TMEM132C: variants seen among roughly 807,000 people sequenced by gnomAD.
The protein encoded by TMEM132C is protein phosphatase 1, regulatory subunit 152.
Under a neutral mutation model 61.4 loss-of-function variants are expected in TMEM132C, and 29 were observed. That is an observed-to-expected ratio of 0.47 (90% confidence interval 0.35 to 0.64). TMEM132C has a LOEUF of 0.64. Ranked by LOEUF, TMEM132C falls within the 30% of genes least tolerant of loss-of-function variation. The pLI is 0.00. For missense variants in TMEM132C, 1,408 were observed against 1,476.9 expected (o/e 0.95, Z 0.76); for synonymous variants, 656 against 633.1 (o/e 1.04, Z -0.54).
Position 128,706,495 on chromosome 12 carries a change from G to A in TMEM132C, c.*200G>A, listed in dbSNP as rs1031319592. 1.8e-5 allele frequency: 12 copies of A among 666,966 alleles called. No homozygotes were observed. The East Asian group carries it at 3.5e-4, about 20-fold the overall frequency. The allele number at this position is 666,966 out of a possible 1,614,324, so 41.3% of individuals were successfully genotyped here. A position where few individuals can be genotyped will look rare whatever the true frequency, so the allele number is the denominator to read the frequency against. The stretch of plus-strand genomic sequence containing the variant: ...CAGTTAATGGTGGTGGATTTTTAAA[G>A]GTCAGGGGAATAAAGTCTGGGGCAT... On this transcript the variant is annotated 3_prime_UTR_variant, in exon 9 of 9. Transcript: ENST00000435159.
At chr12:128,398,727 A>C (rs1875047123) in intron 1 of TMEM132C, among the ~76,000 whole-genome samples, 1 of 152,166 alleles carries the variant, frequency 6.6e-6, no homozygotes, top group Admixed American at 6.5e-5. Context: ...AAGATACTTC[A>C]CGCATAGGGA....
Position 128,707,482 on chromosome 12 carries a change from T to TA in TMEM132C, c.*1191dup, listed in dbSNP as rs531473045. The stretch of plus-strand genomic sequence containing the variant: ...GGTATACCAGCATAAACTCTAAAGA[T>TA]AAAATCTATGTTAGATTGTCAATCA... On this transcript the variant is annotated 3_prime_UTR_variant, in exon 9 of 9. Transcript: ENST00000435159. The TA allele has an allele frequency of 4.0e-4, 61 of 152,360 alleles. 1 individual carries two copies. Among genetic ancestry groups the TA allele is most frequent in the African/African-American group, 1.4e-3 (57 of 41,594 alleles). 9.4% of individuals were successfully genotyped at this position (152,360 alleles called of 1,614,324 possible).
At chr12:128,522,384 A>G (rs184995473) in intron 2 of TMEM132C, among the ~76,000 whole-genome samples, 20 of 152,326 alleles carry the variant, frequency 1.3e-4, no homozygotes, top group African/African-American at 4.6e-4. Flanking sequence ...AAGGCTTTCC[A>G]GATTGCTAGC....
chr12:128,528,571 C>T (rs1377821012), intron 2 of TMEM132C, among the ~76,000 whole-genome samples: 1 of 152,172 alleles, frequency 6.6e-6, no homozygotes, highest in African/African-American at 2.4e-5. Context: ...GTTTCTCAAC[C>T]TCAGTACTGT....
chr12:128,307,720 A>C (rs374989132), intron 1 of TMEM132C, among the ~76,000 whole-genome samples: 1 of 152,214 alleles, frequency 6.6e-6, no homozygotes, highest in South Asian at 2.1e-4. Flanking sequence ...AGATGTTCCC[A>C]GTGCATTTCT....
intron 3 of TMEM132C, among the ~76,000 whole-genome samples, chr12:128,574,228 G>C (rs1419227915): frequency 6.6e-6 from 1 of 152,188 alleles, no homozygotes; most frequent in African/African-American, 2.4e-5. Flanking sequence ...ATATCGCTCA[G>C]AGCATCCTGT....
chr12:128,379,529 G>A (rs923187984), intron 1 of TMEM132C, among the ~76,000 whole-genome samples: 3 of 152,206 alleles, frequency 2.0e-5, no homozygotes, highest in African/African-American at 7.2e-5. Flanking sequence ...AGGCGCTAGG[G>A]AAGGACCCTT....
chr12:128,410,471 C>T (rs777971044), intron 1 of TMEM132C, among the ~76,000 whole-genome samples: 2 of 152,096 alleles, frequency 1.3e-5, no homozygotes, highest in African/African-American at 2.4e-5. Flanking sequence ...GGCATGCTCT[C>T]GGCTCACTGC....
At chr12:128,470,519 G>A (rs555853954) in intron 2 of TMEM132C, among the ~76,000 whole-genome samples, 7 of 152,308 alleles carry the variant, frequency 4.6e-5, no homozygotes, top group African/African-American at 1.7e-4. Context: ...AGAAAAATAT[G>A]CAGGACAGGC....
chr12:128,371,043 G>A (rs1264832376), intron 1 of TMEM132C, among the ~76,000 whole-genome samples: 2 of 152,008 alleles, frequency 1.3e-5, no homozygotes, highest in Non-Finnish European at 2.9e-5. Flanking sequence ...TAGAATCATC[G>A]CAGGTCTAAC....
chr12:128,521,803 A>G (rs778075427), intron 2 of TMEM132C, among the ~76,000 whole-genome samples: 3 of 152,200 alleles, frequency 2.0e-5, no homozygotes, highest in Non-Finnish European at 2.9e-5. Flanking sequence ...TTGTTTTTCC[A>G]CAATTTTTAA....
intron 1 of TMEM132C, among the ~76,000 whole-genome samples, chr12:128,384,186 TGACA>T (rs1874505197): frequency 6.6e-6 from 1 of 152,174 alleles, no homozygotes; most frequent in Non-Finnish European, 1.5e-5. Flanking sequence ...TTCTCCTTCT[TGACA>T]GACAAAGGAG....
chr12:128,616,091 G>A (rs1876789664), intron 3 of TMEM132C, 61 bp from the exon 4 acceptor site: 1 of 1,514,438 alleles, frequency 6.6e-7, no homozygotes, highest in Non-Finnish European at 8.9e-7. Flanking sequence ...GTACTATTAT[G>A]AGGAGAGAAG....
intron 5 of TMEM132C, among the ~76,000 whole-genome samples, chr12:128,684,011 T>TAAATAAAC: frequency 6.6e-6 from 1 of 151,490 alleles, no homozygotes. Context: ...AATAAATAAA[T>TAAATAAAC]GTTGGTGCCT....
At chr12:128,520,339 G>T (rs1872859779) in intron 2 of TMEM132C, among the ~76,000 whole-genome samples, 2 of 152,156 alleles carry the variant, frequency 1.3e-5, no homozygotes, top group Non-Finnish European at 1.5e-5. Context: ...TTTTAGCTGG[G>T]CCCAGGACTA....
At chr12:128,433,475 GA>G (rs1179148786) in intron 2 of TMEM132C, among the ~76,000 whole-genome samples, 9 of 152,178 alleles carry the variant, frequency 5.9e-5, no homozygotes, top group Admixed American at 3.3e-4. Context: ...TAAACTTTAA[GA>G]AAAAAATTAT....
At chr12:128,381,535 A>G (rs1874396484) in intron 1 of TMEM132C, among the ~76,000 whole-genome samples, 1 of 152,200 alleles carries the variant, frequency 6.6e-6, no homozygotes, top group African/African-American at 2.4e-5. Context: ...GGGCTTAATA[A>G]TAATATAACC....
At chr12:128,657,755 C>A (rs1457377264) in intron 4 of TMEM132C, among the ~76,000 whole-genome samples, 1 of 152,180 alleles carries the variant, frequency 6.6e-6, no homozygotes, top group Non-Finnish European at 1.5e-5. Flanking sequence ...AAAAATGGAA[C>A]CTATTGGTCT....
intron 2 of TMEM132C, among the ~76,000 whole-genome samples, chr12:128,453,758 G>T (rs1415394060): frequency 2.0e-5 from 3 of 152,226 alleles, no homozygotes; most frequent in African/African-American, 7.2e-5. Flanking sequence ...GTTGGGAGGT[G>T]AGGCACCACC....
Sources: allele counts gnomAD v4.1 joint callset (sites outside exome capture counted in the v4.1 genomes callset), GRCh38; gene constraint gnomAD v4.1.1; transcripts MANE v1.5; gene names NCBI Gene and HGNC (gene_info 2026-07-23, HGNC 2026-07-21).